The following ARHGAP15 variants were observed in gnomAD, a reference collection of about 807,000 sequenced individuals.
ARHGAP15 encodes the protein Rho GTPase activating protein 15, also known as rho GTPase-activating protein 15.
In ARHGAP15, 51 loss-of-function variants were observed where a neutral mutation model predicts 63.7. The ratio of observed to expected loss-of-function variants is 0.80; its 90% confidence interval spans 0.64 to 1.01. The LOEUF (loss-of-function observed/expected upper bound fraction) is 1.01, where lower values mean the gene tolerates loss of function less well. ARHGAP15 is among the 50% of genes least tolerant of loss of function. The pLI is 0.00. For missense variants in ARHGAP15, 560 were observed against 564.6 expected, an observed-to-expected ratio of 0.99 and a Z score of 0.08; for synonymous variants, 191 against 193.8, an observed-to-expected ratio of 0.99 and a Z score of 0.12.
At chr2:143,145,301 C>T (rs184842986) in intron 1 of ARHGAP15, among the ~76,000 whole-genome samples, 8 of 152,102 alleles carry the variant, frequency 5.3e-5, no homozygotes, top group Non-Finnish European at 1.2e-4. Context: ...AGTGCATTCC[C>T]ACCTTATTTA....
chr2:143,681,281 T>C (rs1458306299), intron 12 of ARHGAP15, among the ~76,000 whole-genome samples: 1 of 152,188 alleles, frequency 6.6e-6, no homozygotes, highest in African/African-American at 2.4e-5. Flanking sequence ...TGTGATACTA[T>C]GCTTTAGTGA....
chr2:143,623,026 C>T (rs577352243), intron 11 of ARHGAP15, among the ~76,000 whole-genome samples: 3 of 152,260 alleles, frequency 2.0e-5, no homozygotes, highest in African/African-American at 4.8e-5. Flanking sequence ...AATACCTCGG[C>T]GCTTGCCAGT....
intron 2 of ARHGAP15, among the ~76,000 whole-genome samples, chr2:143,164,411 A>G (rs563310334): frequency 4.9e-4 from 75 of 152,196 alleles, no homozygotes; most frequent in African/African-American, 1.7e-3. Context: ...AAATGATGCC[A>G]TCTTCTCTAT....
At chr2:143,191,787 A>G (rs1452147315) in intron 2 of ARHGAP15, among the ~76,000 whole-genome samples, 2 of 152,320 alleles carry the variant, frequency 1.3e-5, no homozygotes, top group Middle Eastern at 3.4e-3. Context: ...TATTTTTTCA[A>G]CTATACCGAT....
chr2:143,414,350 A>C (rs1410249030), intron 6 of ARHGAP15, among the ~76,000 whole-genome samples: 3 of 152,046 alleles, frequency 2.0e-5, no homozygotes, highest in Non-Finnish European at 4.4e-5. Flanking sequence ...AGCGAAAAGA[A>C]ATTATACTGG....
At chr2:143,629,337 C>G (rs1698971738) in intron 12 of ARHGAP15, among the ~76,000 whole-genome samples, 1 of 152,128 alleles carries the variant, frequency 6.6e-6, no homozygotes, top group African/African-American at 2.4e-5. Flanking sequence ...AAATTCTATA[C>G]TTGAGATCAA....
At chr2:143,330,101 A>AC (rs1558897635) in intron 6 of ARHGAP15, among the ~76,000 whole-genome samples, 10 of 75,810 alleles carry the variant, frequency 1.3e-4, no homozygotes, top group African/African-American at 4.1e-4. Flanking sequence ...TCTCAAAAAA[A>AC]AAAAAAAAAA....
rs1262466448 is a variant in ARHGAP15 at position 143,475,954 on chromosome 2, C to T, written c.704-11419C>T. Among the ~76,000 whole-genome samples the T allele has an allele frequency of 2.6e-5, 4 of 152,190 alleles. No homozygotes were observed. The East Asian group carries it at 7.7e-4, about 29-fold the overall frequency. ...AATGGGAGAGAAACTGGCAGCACCA[C>T]ACCAGATTTAATTAAAGCATTGTTG... On this transcript the variant is annotated intron_variant, in intron 8 of 13. Transcript: ENST00000295095.
intron 12 of ARHGAP15, among the ~76,000 whole-genome samples, chr2:143,672,506 C>A (rs149401803): frequency 1.3e-3 from 201 of 152,260 alleles, no homozygotes; most frequent in African/African-American, 4.6e-3. Context: ...CATTTTATCA[C>A]ATAATATCTG....
intron 11 of ARHGAP15, among the ~76,000 whole-genome samples, chr2:143,573,292 C>T (rs1696535977): frequency 2.0e-5 from 3 of 152,160 alleles, no homozygotes; most frequent in African/African-American, 7.2e-5. Context: ...AAGGACTTCT[C>T]TTGTTCTTCT....
chr2:143,231,222 CA>C (rs1302812386), intron 5 of ARHGAP15, among the ~76,000 whole-genome samples: 1 of 151,648 alleles, frequency 6.6e-6, no homozygotes, highest in East Asian at 1.9e-4. Context: ...ACATAATGAA[CA>C]AAAAATTATT....
At chr2:143,470,862 ATGTG>A (rs925665310) in intron 8 of ARHGAP15, among the ~76,000 whole-genome samples, 1 of 148,758 alleles carries the variant, frequency 6.7e-6, no homozygotes, top group African/African-American at 2.5e-5. Flanking sequence ...ACGTATATTT[ATGTG>A]TGTGTGTATA....
At chr2:143,749,038 A>G (rs1195658278) in intron 13 of ARHGAP15, among the ~76,000 whole-genome samples, 4 of 152,108 alleles carry the variant, frequency 2.6e-5, no homozygotes, top group African/African-American at 9.7e-5. Flanking sequence ...CAAGTACTCA[A>G]CTCAGGTCAA....
At chr2:143,524,642 G>C (rs1283424092) in intron 10 of ARHGAP15, among the ~76,000 whole-genome samples, 1 of 152,132 alleles carries the variant, frequency 6.6e-6, no homozygotes, top group Non-Finnish European at 1.5e-5. Flanking sequence ...GGAGAAGTTT[G>C]AGAGAATATG....
At chr2:143,626,191 T>C (rs1430625093) in intron 12 of ARHGAP15, among the ~76,000 whole-genome samples, 1 of 152,138 alleles carries the variant, frequency 6.6e-6, no homozygotes, top group Non-Finnish European at 1.5e-5. Context: ...ACCTATAAAA[T>C]GGGTTATGGC....
chr2:143,174,291 A>T, intron 2 of ARHGAP15, among the ~76,000 whole-genome samples: 1 of 152,134 alleles, frequency 6.6e-6, no homozygotes, highest in East Asian at 1.9e-4. Flanking sequence ...GTTTCACATT[A>T]AGACACTAAT....
At chr2:143,310,874 T>G (rs1442113580) in intron 6 of ARHGAP15, among the ~76,000 whole-genome samples, 1 of 152,040 alleles carries the variant, frequency 6.6e-6, no homozygotes, top group African/African-American at 2.4e-5. Flanking sequence ...TATAGAATTT[T>G]GGAACTATTT....
chr2:143,652,295 G>A (rs1000719117), intron 12 of ARHGAP15, among the ~76,000 whole-genome samples: 3 of 151,934 alleles, frequency 2.0e-5, no homozygotes, highest in Non-Finnish European at 4.4e-5. Context: ...CACTTGCAGT[G>A]CAAAAAACAG....
intron 6 of ARHGAP15, among the ~76,000 whole-genome samples, chr2:143,420,842 T>C (rs1294775316): frequency 6.6e-6 from 1 of 152,160 alleles, no homozygotes; most frequent in African/African-American, 2.4e-5. Context: ...AAACCACATG[T>C]GCTATATTTG....
Sources: allele counts gnomAD v4.1 joint callset (sites outside exome capture counted in the v4.1 genomes callset), GRCh38; gene constraint gnomAD v4.1.1; transcripts MANE v1.5; gene names NCBI Gene and HGNC (gene_info 2026-07-23, HGNC 2026-07-21).